RPL3: variants seen among roughly 807,000 people sequenced by gnomAD.
RPL3 encodes ribosomal protein L3.
In RPL3, 3 loss-of-function variants were observed where a neutral mutation model predicts 46.0. That is an observed-to-expected ratio of 0.07 (90% CI 0.03 to 0.17). The LOEUF is 0.17. RPL3 is among the 10% of genes least tolerant of loss of function. RPL3 has a pLI of 1.00. For synonymous variants in RPL3, 224 were observed against 190.8 expected (o/e 1.17, Z -1.43); for missense variants, 387 against 532.7 (o/e 0.73, Z 2.69).
At chr22:39,313,537 C>T (rs1922488356) in intron 8 of RPL3, 97 bp downstream of exon 8, 1 of 1,316,718 alleles carries the variant, frequency 7.6e-7, no homozygotes, top group Non-Finnish European at 1.1e-6. Context: ...AACACCCTCT[C>T]CTTCCTTTCC....
intron 7 of RPL3, 68 bp from the exon 8 acceptor site, chr22:39,313,797 T>C: frequency 7.1e-7 from 1 of 1,405,386 alleles, no homozygotes; most frequent in Non-Finnish European, 1.0e-6. Context: ...CCCTCCAGGT[T>C]CAGGCCCTCC....
At chr22:39,314,607 G>T (rs1402758067) in intron 6 of RPL3, 79 bp downstream of exon 6, 2 of 1,443,020 alleles carry the variant, frequency 1.4e-6, no homozygotes, top group Non-Finnish European at 1.9e-6. Flanking sequence ...CAGTGAAGCA[G>T]CACTGACAGG....
At chr22:39,313,553 C>T (rs1471816328) in intron 8 of RPL3, 81 bp downstream of exon 8, 5 of 1,411,502 alleles carry the variant, frequency 3.5e-6, no homozygotes, top group East Asian at 2.3e-5. Context: ...TTTCCTCTCC[C>T]ACCACAGGGC....
At chr22:39,314,444 G>A in intron 6 of RPL3, 2 of 625,066 alleles carry the variant, frequency 3.2e-6, no homozygotes, top group Non-Finnish European at 2.8e-6. Flanking sequence ...CCTGGTGGTG[G>A]CATCAGGGAC....
intron 7 of RPL3, 156 bp downstream of exon 7, chr22:39,313,951 A>T (rs1452566238): frequency 1.2e-6 from 1 of 837,620 alleles, no homozygotes; most frequent in East Asian, 2.4e-5. Context: ...AACCCCGACG[A>T]GTGGACTCAG....
intron 4 of RPL3, among the ~76,000 whole-genome samples, chr22:39,316,319 G>A (rs557964137): frequency 2.0e-5 from 3 of 152,084 alleles, no homozygotes; most frequent in East Asian, 3.9e-4. Flanking sequence ...TTTCAACGGT[G>A]GACATGCACT....
intron 1 of RPL3, 113 bp downstream of exon 1, chr22:39,319,482 G>A (rs773685714): frequency 7.0e-7 from 1 of 1,422,722 alleles, no homozygotes; most frequent in South Asian, 1.2e-5. Context: ...TGGGTCGCCC[G>A]TGCCCCTAAA....
In RPL3 at chr22:39,317,595, G is replaced by A. The variant is rs756126790; in HGVS notation, c.231C>T (p.Thr77=). 3.7e-6 allele frequency: 6 copies of A among 1,613,784 alleles called. No homozygotes were observed. Among genetic ancestry groups the A allele is most frequent in the Non-Finnish European group, 5.1e-6 (6 of 1,179,852 alleles). ...CCACCATGGGTGGTGTCTCTACAAT[G>A]GTCACAGCCTCCACCACCTCCTTCT... is the stretch of plus-strand genomic sequence containing the variant. ...VNKKEVVEAV[T]IVETPPMVVV... Residue 77 remains threonine (T), a synonymous_variant, in exon 3 of 10, where the codon ACC becomes ACT. Transcript: ENST00000216146.
intron 2 of RPL3, 25 bp downstream of exon 2, chr22:39,318,375 C>T (rs530427919): frequency 6.2e-7 from 1 of 1,606,196 alleles, no homozygotes; most frequent in African/African-American, 1.3e-5. Flanking sequence ...CCTATTCCCC[C>T]AACTTTTAGG....
chr22:39,319,607 A>T lies in RPL3; in HGVS notation c.-10T>A, dbSNP rs754987436. The T allele has an allele frequency of 3.7e-5, 57 of 1,549,330 alleles. No homozygotes were observed. Among genetic ancestry groups the T allele is most frequent in the Admixed American group, 5.7e-5 (3 of 52,546 alleles). ...TTACAACACATACCATCACGCCATC[A>T]AATCCCGCCGGTAGAGGCCGGTCGG... On this transcript the variant is annotated 5_prime_UTR_variant, in exon 1 of 10. Coordinates refer to ENST00000216146, the MANE Select transcript of RPL3 (RefSeq NM_000967.4).
rs1001371968 is a variant in RPL3, at chr22:39,313,536, T to TC, written c.1047+97dup. On this transcript the variant is annotated intron_variant, in intron 8 of 9. Transcript: ENST00000216146. ...GTGTGAAAGGACTGCCAACACCCTC[T>TC]CCTTCCTTTCCTCTCCCACCACAGG... The TC allele has an allele frequency of 1.3e-5, 17 of 1,305,148 alleles. No homozygotes were observed. In the East Asian group the frequency reaches 3.9e-4, roughly 30 times the overall value. The allele number at this position is 1,305,148 out of a possible 1,614,324, so 80.8% of individuals were successfully genotyped here.
chr22:39,314,444 G>C (rs945073408), intron 6 of RPL3: 1 of 624,948 alleles, frequency 1.6e-6, no homozygotes, highest in Non-Finnish European at 2.8e-6. Context: ...CCTGGTGGTG[G>C]CATCAGGGAC....
chr22:39,319,031 C>T (rs1447296443), intron 1 of RPL3: 1 of 537,884 alleles, frequency 1.9e-6, no homozygotes, highest in East Asian at 5.4e-5. Context: ...TACACACAGG[C>T]CAAAGAACTC....
intron 5 of RPL3, 145 bp from the exon 6 acceptor site, chr22:39,314,991 T>C (rs746648311): frequency 1.7e-6 from 2 of 1,167,074 alleles, no homozygotes; most frequent in Non-Finnish European, 2.4e-6. Flanking sequence ...GTCTCCCCTG[T>C]CAAGCTGGAT....
Position 39,317,351 on chromosome 22 carries a change from A to T in RPL3, c.365+110T>A, listed in dbSNP as rs1007918532. ...TCTGTTCGAGAGGCAAACTAAACCC[A>T]AGACAGCAGCTCCCTGCCTGCTACA... On this transcript the variant is annotated intron_variant, in intron 3 of 9. Transcript: ENST00000216146. 8.4e-6 allele frequency: 11 copies of T among 1,307,818 alleles called. No homozygotes were observed. The Admixed American group carries it at 2.6e-4, about 31-fold the overall frequency. The allele number at this position is 1,307,818 out of a possible 1,614,324, so 81.0% of individuals were successfully genotyped here. A position where few individuals can be genotyped will look rare whatever the true frequency, so the allele number is the denominator to read the frequency against.
At chr22:39,316,055 C>T (rs975221364) in intron 4 of RPL3, among the ~76,000 whole-genome samples, 1 of 152,164 alleles carries the variant, frequency 6.6e-6, no homozygotes, top group African/African-American at 2.4e-5. Context: ...GCCTGACCAA[C>T]ATGGAGAAAC....
chr22:39,317,775 G>T (rs1922797336), intron 2 of RPL3, 146 bp from the exon 3 acceptor site: 14 of 799,504 alleles, frequency 1.8e-5, no homozygotes, highest in Non-Finnish European at 4.0e-6. Flanking sequence ...TGTCCTTACT[G>T]CCTATCTCTC....
intron 1 of RPL3, chr22:39,319,021 T>C (rs1274402756): frequency 5.6e-6 from 3 of 538,032 alleles, no homozygotes; most frequent in South Asian, 2.8e-5. Context: ...ATTACACTGA[T>C]ACACACAGGC....
chr22:39,315,841 T>G (rs1922653490), intron 4 of RPL3, among the ~76,000 whole-genome samples: 1 of 152,226 alleles, frequency 6.6e-6, no homozygotes, highest in Non-Finnish European at 1.5e-5. Context: ...TTCCTGTGGC[T>G]GTCCTTTGGG....
Sources: gnomAD v4.1 joint callset for allele counts (sites outside exome capture counted in the v4.1 genomes callset) on GRCh38, gnomAD v4.1.1 for gene constraint, MANE v1.5 for transcripts, NCBI Gene and HGNC (gene_info 2026-07-23, HGNC 2026-07-21) for gene names.